The following ADGRD1 variants were observed in gnomAD, a reference collection of about 807,000 sequenced individuals.
ADGRD1 encodes adhesion G protein-coupled receptor D1.
A neutral mutation model predicts 113.4 loss-of-function variants in ADGRD1; 77 were observed. The observed-to-expected ratio is 0.68, with a 90% CI of 0.57 to 0.82. ADGRD1 has a LOEUF of 0.82. Among genes scored for constraint, ADGRD1 ranks in the 40% least tolerant of loss-of-function variants. The pLI, the probability that ADGRD1 is intolerant of heterozygous loss-of-function variation, is 0.00. For synonymous variants in ADGRD1, 474 were observed against 475.0 expected, an observed-to-expected ratio of 1.00 and a Z score of 0.03; for missense variants, 1,036 against 1,139.1, an observed-to-expected ratio of 0.91 and a Z score of 1.30.
At position 131,084,732 on chromosome 12, in the gene ADGRD1, G is replaced by C; in HGVS notation, c.1671+69G>C. 1 of 1,552,614 alleles carries C rather than the reference G, an allele frequency of 6.4e-7. No individual in the cohort carries two copies. The highest frequency in any genetic ancestry group is 8.8e-7 in the Non-Finnish European group (1 of 1,140,740). On this transcript the variant is annotated intron_variant, in intron 15 of 24. Coordinates refer to ENST00000261654, the MANE Select transcript of ADGRD1 (RefSeq NM_198827.5). The surrounding 1 kb of genome is among the most constrained non-coding windows in gnomAD (Gnocchi z 4.5). ...CATGAGGCTGCAGGTGGGGGCGGGA[G>C]GATGCTTTGCCCGCCAGTGCCCACG... is the stretch of plus-strand genomic sequence containing the variant.
chr12:131,099,114 C>G (rs537566240), intron 15 of ADGRD1, among the ~76,000 whole-genome samples: 1 of 152,202 alleles, frequency 6.6e-6, no homozygotes, highest in Non-Finnish European at 1.5e-5. Context: ...TGTCGGGCCC[C>G]GGGGATTCAG....
intron 15 of ADGRD1, among the ~76,000 whole-genome samples, chr12:131,099,010 G>T (rs543769397): frequency 6.6e-6 from 1 of 152,224 alleles, no homozygotes; most frequent in Non-Finnish European, 1.5e-5. Flanking sequence ...TTGCTCTGAG[G>T]AGTCGATGCC....
chr12:131,023,713 TTTAAGTTG>T (rs1226024964), intron 13 of ADGRD1: 1 of 152,228 alleles, frequency 6.6e-6, no homozygotes, highest in Non-Finnish European at 1.5e-5. Flanking sequence ...CTCATGGGCA[TTTAAGTTG>T]TTACCCATAT....
chr12:130,955,058 C>T (rs1046342711), intron 2 of ADGRD1, among the ~76,000 whole-genome samples: 4 of 151,064 alleles, frequency 2.6e-5, no homozygotes, highest in Non-Finnish European at 5.9e-5. Flanking sequence ...CTCCCGGGTT[C>T]AAGCAATTCT....
chr12:131,046,614 CCCTCCCTGGGCAGTGT>C (rs1882830598), intron 13 of ADGRD1, among the ~76,000 whole-genome samples: 1 of 130,002 alleles, frequency 7.7e-6, no homozygotes, highest in African/African-American at 3.2e-5. Flanking sequence ...GGTCAGTGCC[CCCTCCCTGGGCAGTGT>C]CCTCCCTGGT....
At chr12:131,004,163 C>T (rs1241501902) in intron 10 of ADGRD1, 23 bp from the exon 11 acceptor site, 3 of 1,487,096 alleles carry the variant, frequency 2.0e-6, no homozygotes, top group Non-Finnish European at 1.9e-6. Flanking sequence ...GGGACTTCCG[C>T]TCTCTCGCTC....
Position 130,954,934 on chromosome 12 carries a change from C to T in ADGRD1, c.103+274C>T, listed in dbSNP as rs1869348771. 6.6e-6 allele frequency among the ~76,000 whole-genome samples: 1 copy of T among 151,516 alleles called. No individual in the cohort carries two copies. The highest frequency in any genetic ancestry group is 2.4e-5 in the African/African-American group (1 of 41,192). ...GGAAATATGATCTTCATTTGAATGC[C>T]TTCTGCCTCTTTCTTTCTCTCTTTC... On this transcript the variant is annotated intron_variant, in intron 2 of 24. Transcript: ENST00000261654. This position sits in a 1 kb window ranked among gnomAD's most constrained non-coding sequence, Gnocchi z 4.7.
chr12:130,974,955 A>G (rs185519929), intron 4 of ADGRD1, among the ~76,000 whole-genome samples: 1 of 152,206 alleles, frequency 6.6e-6, no homozygotes, highest in East Asian at 1.9e-4. Context: ...TCTTAAGGTC[A>G]CTTGCTGCTA....
chr12:130,977,185 T>G (rs7957497), intron 4 of ADGRD1: 126,088 of 152,262 alleles, frequency 0.83, 53,159 homozygotes, highest in East Asian at 0.95. Context: ...TTTTCCAGTT[T>G]TCCTCAGCCT....
At chr12:131,068,104 C>G (rs1884866509) in intron 13 of ADGRD1, among the ~76,000 whole-genome samples, 1 of 152,250 alleles carries the variant, frequency 6.6e-6, no homozygotes, top group Non-Finnish European at 1.5e-5. Context: ...ACCTCAGCCA[C>G]TTTCCTGAGG....
At position 131,136,961 on chromosome 12, in the gene ADGRD1, C is replaced by A. The variant is rs767983279; in HGVS notation, c.2395-12C>A. ...GGGCTCTAATCTCTGCGTTTCTTCC[C>A]TTTCTTCCCAGGGACTGTTCATATT... On this transcript the variant is annotated splice_polypyrimidine_tract_variant and intron_variant, in intron 22 of 24. Coordinates refer to ENST00000261654, the MANE Select transcript of ADGRD1 (RefSeq NM_198827.5). The A allele has an allele frequency of 3.4e-5, 55 of 1,606,538 alleles. No individual in the cohort carries two copies. In the Middle Eastern group the frequency reaches 4.9e-4, roughly 14 times the overall value.
chr12:130,983,909 A>T (rs889010213), intron 5 of ADGRD1, among the ~76,000 whole-genome samples: 3 of 152,178 alleles, frequency 2.0e-5, no homozygotes, highest in Non-Finnish European at 4.4e-5. Context: ...TTGTGGGGGA[A>T]TCAACAGTCA....
chr12:131,057,983 G>A lies in ADGRD1; in HGVS notation c.1474-18818G>A, dbSNP rs1319658186. Among the ~76,000 whole-genome samples the A allele has an allele frequency of 6.6e-6, 1 of 152,164 alleles. No homozygotes were observed. The highest frequency in any genetic ancestry group is 3.2e-3 in the Middle Eastern group (1 of 316). On this transcript the variant is annotated intron_variant, in intron 13 of 24. Transcript: ENST00000261654. This position sits in a 1 kb window ranked among gnomAD's most constrained non-coding sequence, Gnocchi z 4.2. ...TATGCACCAGGGAGAATGAGCTTCT[G>A]TTATTTTAACCTTTGTAACTTTATT...
intron 15 of ADGRD1, among the ~76,000 whole-genome samples, chr12:131,101,373 C>CTTTTTTTTTTT (rs796951608): frequency 6.3e-5 from 5 of 79,350 alleles, no homozygotes; most frequent in African/African-American, 1.1e-4. Flanking sequence ...CTTTTTCTTT[C>CTTTTTTTTTTT]TTTCTTTTTT....
chr12:131,082,034 T>C (rs1310570263), intron 14 of ADGRD1, among the ~76,000 whole-genome samples: 4 of 152,126 alleles, frequency 2.6e-5, no homozygotes, highest in Non-Finnish European at 5.9e-5. Context: ...TCTCCACCCC[T>C]TTCCCCAGTA....
chr12:131,002,401 A>C, intron 9 of ADGRD1: 1 of 481,644 alleles, frequency 2.1e-6, no homozygotes, highest in Non-Finnish European at 2.7e-6. Context: ...AAATATCTAA[A>C]ATTGGCCTCA....
chr12:131,104,914 G>A lies in ADGRD1; in HGVS notation c.1755G>A (p.Leu585=), dbSNP rs1403638448. 50 of 1,550,440 alleles carry A rather than the reference G, an allele frequency of 3.2e-5. No individual in the cohort carries two copies. The East Asian group carries it at 1.1e-3, about 35-fold the overall frequency. The change falls in exon 16 of 25, where the codon CTG becomes CTA. Residue 585 remains leucine (L), a synonymous_variant. Transcript: ENST00000261654. The part of the protein sequence containing the change: ...SLSVLCLVAT[L]VTFAVLSSVS... ...CCGTGCTCTGCCTGGTGGCCACGCT[G>A]GTCACCTTCGCCGTGCTGTCGTGAG...
chr12:131,121,462 C>T (rs949244223), intron 20 of ADGRD1, among the ~76,000 whole-genome samples: 1 of 152,170 alleles, frequency 6.6e-6, no homozygotes, highest in African/African-American at 2.4e-5. Flanking sequence ...CTCACTGCAA[C>T]CTCTGCCTCC....
chr12:131,000,009 C>T lies in ADGRD1; in HGVS notation c.967-374C>T, dbSNP rs115783783. ...CTTCCACGTCAGTTTGGTTTCTCGC[C>T]CCAAGAAAAGCGCATCCAGCAGGTC... On this transcript the variant is annotated intron_variant, in intron 8 of 24. Transcript: ENST00000261654. Among the ~76,000 whole-genome samples the T allele has an allele frequency of 2.2e-3, 333 of 152,232 alleles. 1 individual carries two copies. The highest frequency in any genetic ancestry group is 7.7e-3 in the African/African-American group (321 of 41,546).
Sources: allele counts gnomAD v4.1 joint callset (sites outside exome capture counted in the v4.1 genomes callset), GRCh38; gene constraint gnomAD v4.1.1; non-coding constraint Gnocchi (gnomAD v3.1); transcripts MANE v1.5; gene names NCBI Gene and HGNC (gene_info 2026-07-23, HGNC 2026-07-21).